ERI2: variants seen among roughly 807,000 people sequenced by gnomAD.
The protein encoded by ERI2 is ERI1 exoribonuclease 2.
Under a neutral mutation model 46.8 loss-of-function variants are expected in ERI2, and 35 were observed. The ratio of observed to expected loss-of-function variants is 0.75; its 90% CI spans 0.57 to 0.99. The LOEUF is 0.99. Ranked by LOEUF, ERI2 falls within the 50% of genes least tolerant of loss-of-function variation. The pLI is 0.00. For missense variants in ERI2, 695 were observed against 796.2 expected, an observed-to-expected ratio of 0.87 and a Z score of 1.53; for synonymous variants, 224 against 271.0, an observed-to-expected ratio of 0.83 and a Z score of 1.70.
chr16:20,800,257 T>A (rs769285660), intron 6 of ERI2, 45 bp downstream of exon 6: 1 of 1,352,856 alleles, frequency 7.4e-7, no homozygotes, highest in Non-Finnish European at 1.0e-6. Flanking sequence ...AGTTAATCAT[T>A]TTTCCATAGA....
chr16:20,802,685 T>C, intron 4 of ERI2, 111 bp downstream of exon 4: 1 of 1,275,124 alleles, frequency 7.8e-7, no homozygotes, highest in Admixed American at 2.8e-5. Context: ...GTGCTGGGAT[T>C]ACAGGCATAA....
At chr16:20,799,925 A>G (rs775097590) in intron 7 of ERI2, 32 bp downstream of exon 7, 2 of 1,334,568 alleles carry the variant, frequency 1.5e-6, no homozygotes, top group African/African-American at 2.9e-5. Flanking sequence ...TTAAAAGTCA[A>G]ATGGCTTACA....
At chr16:20,789,382 G>T in intron 10 of ERI2, 14 of 853,058 alleles carry the variant, frequency 1.6e-5, no homozygotes, top group Non-Finnish European at 2.8e-5. Flanking sequence ...TACTTAGCAT[G>T]TATTAAGTAC....
intron 10 of ERI2, chr16:20,789,381 T>G: frequency 2.4e-6 from 2 of 846,262 alleles, no homozygotes; most frequent in Non-Finnish European, 2.0e-6. Context: ...TTACTTAGCA[T>G]GTATTAAGTA....
downstream of ERI2, among the ~76,000 whole-genome samples, chr16:20,794,343 G>A (rs571373680): frequency 1.0e-3 from 157 of 152,312 alleles, no homozygotes; most frequent in African/African-American, 3.6e-3. Flanking sequence ...ATCTCTTTGA[G>A]AATGTGAAGA....
intron 10 of ERI2, among the ~76,000 whole-genome samples, chr16:20,785,401 T>G (rs1370636660): frequency 1.3e-5 from 2 of 152,128 alleles, no homozygotes; most frequent in African/African-American, 2.4e-5. Context: ...TTCCTCCCAG[T>G]GTGATAGGGA....
chr16:20,804,835 T>C (rs2080837241), intron 1 of ERI2, among the ~76,000 whole-genome samples: 1 of 152,198 alleles, frequency 6.6e-6, no homozygotes, highest in African/African-American at 2.4e-5. Flanking sequence ...GATTTGGGAA[T>C]AATAAATATC....
intron 6 of ERI2, 77 bp from the exon 7 acceptor site, chr16:20,800,115 T>G: frequency 1.0e-6 from 1 of 995,966 alleles, no homozygotes; most frequent in Non-Finnish European, 1.5e-6. Context: ...TTCATAATTT[T>G]TAGTTCTATT....
At position 20,797,138 on chromosome 16, in the gene ERI2, A is replaced by G; in HGVS notation, c.*586T>C. ...ATCAGAGGCTAAATTTTGAAATAAA[A>G]TATTTGGCAAATTCCTCCACATTAG... On this transcript the variant is annotated 3_prime_UTR_variant, in exon 9 of 9. Transcript: ENST00000357967. The G allele has an allele frequency of 7.3e-7, 1 of 1,364,598 alleles. No homozygotes were observed. The allele number at this position is 1,364,598 out of a possible 1,614,324, so 84.5% of individuals were successfully genotyped here.
chr16:20,799,801 T>G (rs926282247), intron 7 of ERI2, 156 bp downstream of exon 7: 19 of 530,582 alleles, frequency 3.6e-5, no homozygotes, highest in Non-Finnish European at 6.5e-5. Flanking sequence ...AAGTGGTAAT[T>G]TGAAAGTCTT....
At chr16:20,792,054 G>A (rs140665877), downstream of ERI2, 61 of 1,613,966 alleles carry the variant, frequency 3.8e-5, no homozygotes, top group African/African-American at 7.9e-4. Context: ...TATATCACTG[G>A]GGACAGAGGA....
chr16:20,790,454 C>T lies in ERI2; in HGVS notation c.815+396G>A. The T allele has an allele frequency of 1.3e-6, 1 of 794,726 alleles. No individual in the cohort carries two copies. The highest frequency in any genetic ancestry group is 1.8e-5 in the South Asian group (1 of 55,916). 49.2% of individuals were successfully genotyped at this position (794,726 alleles called of 1,614,324 possible). ...CCTGGGTGACAAAGTGAGACCTTGTCTCACACACACAAAATTTTTTTTAAG... is the reference window on the plus strand; with the variant it reads ...CCTGGGTGACAAAGTGAGACCTTGTTTCACACACACAAAATTTTTTTTAAG... On this transcript the variant is annotated intron_variant, in intron 9 of 10. Transcript: ENST00000300005. This position sits in a 1 kb window ranked among gnomAD's most constrained non-coding sequence, Gnocchi z 4.0.
At position 20,797,307 on chromosome 16, in the gene ERI2, T is replaced by C. The variant is rs2080741263; in HGVS notation, c.*417A>G. On this transcript the variant is annotated 3_prime_UTR_variant, in exon 9 of 9. Coordinates refer to ENST00000357967, the MANE Select transcript of ERI2 (RefSeq NM_001142725.2). Reference sequence around the variant, plus strand: ...CTTTAGTTGACTAATTCTTCTGATATGTTGATATACAAATCAGAACCAATG... The same window carrying C: ...CTTTAGTTGACTAATTCTTCTGATACGTTGATATACAAATCAGAACCAATG... 2.9e-6 allele frequency: 3 copies of C among 1,034,206 alleles called. No homozygotes were observed. The highest frequency in any genetic ancestry group is 1.7e-5 in the African/African-American group (1 of 58,518). The allele number at this position is 1,034,206 out of a possible 1,614,324, so 64.1% of individuals were successfully genotyped here.
In ERI2 at chr16:20,781,062, C is replaced by T. The variant is rs768773188; in HGVS notation, c.895-328G>A. On this transcript the variant is annotated intron_variant, in intron 10 of 10. Transcript: ENST00000300005. ...GTCTGCATGGAGTAGTGTTTTTTCT[C>T]CGTGGATCCAGGGAGCATGTGTATT... 3.3e-5 allele frequency: 54 copies of T among 1,614,018 alleles called. No individual in the cohort carries two copies. Among genetic ancestry groups the T allele is most frequent in the African/African-American group, 5.3e-5 (4 of 74,916 alleles).
At chr16:20,794,873 G>A (rs748977175), downstream of ERI2, among the ~76,000 whole-genome samples, 36 of 152,134 alleles carry the variant, frequency 2.4e-4, no homozygotes, top group African/African-American at 8.4e-4. Flanking sequence ...ACCCATGTTA[G>A]GTTGTTCCTT....
chr16:20,785,406 T>C (rs1422197436), intron 10 of ERI2, among the ~76,000 whole-genome samples: 1 of 152,198 alleles, frequency 6.6e-6, no homozygotes, highest in East Asian at 1.9e-4. Flanking sequence ...CCCAGTGTGA[T>C]AGGGAAGTAT....
chr16:20,795,019 AT>A (rs1267301559), downstream of ERI2, among the ~76,000 whole-genome samples: 2 of 152,238 alleles, frequency 1.3e-5, no homozygotes, highest in Admixed American at 1.3e-4. Flanking sequence ...AACAAGCATA[AT>A]TTTTTAATTT....
chr16:20,781,924 T>C, intron 10 of ERI2: 6 of 651,422 alleles, frequency 9.2e-6, no homozygotes, highest in Non-Finnish European at 2.7e-6. Context: ...TTCCTCTTTC[T>C]CCTTCTTGCC....
downstream of ERI2, chr16:20,796,207 C>T (rs2080719634): frequency 2.4e-6 from 3 of 1,241,204 alleles, no homozygotes; most frequent in Middle Eastern, 2.6e-4. Context: ...TAGGTACAGA[C>T]CAGGAAGTGG....
Sources: gnomAD v4.1 joint callset for allele counts (sites outside exome capture counted in the v4.1 genomes callset) on GRCh38, gnomAD v4.1.1 for gene constraint, Gnocchi (gnomAD v3.1) non-coding constraint, MANE v1.5 for transcripts, NCBI Gene and HGNC (gene_info 2026-07-23, HGNC 2026-07-21) for gene names.